The following HYDIN variants were observed in gnomAD, a reference collection of about 807,000 sequenced individuals.
The protein encoded by HYDIN is HYDIN axonemal central pair apparatus protein.
Under a neutral mutation model 403.9 loss-of-function variants are expected in HYDIN, and 132 were observed. The observed-to-expected ratio is 0.33, with a 90% CI of 0.28 to 0.38. HYDIN has a LOEUF of 0.38. HYDIN is among the 10% of genes least tolerant of loss of function. The probability of loss-of-function intolerance (pLI) is 1.00; values close to 1 mark genes in which losing one functional copy is unlikely to be tolerated. For missense variants in HYDIN, 2,827 were observed against 5,009.5 expected, an observed-to-expected ratio of 0.56 and a Z score of 13.15; for synonymous variants, 1,202 against 1,891.7, an observed-to-expected ratio of 0.64 and a Z score of 9.46.
At chr16:71,110,258 A>G (rs2144441104) in intron 10 of HYDIN, among the ~76,000 whole-genome samples, 1 of 145,838 alleles carries the variant, frequency 6.9e-6, no homozygotes, top group Non-Finnish European at 1.5e-5. Context: ...ATTATATTAT[A>G]TATAATTATG....
intron 41 of HYDIN, among the ~76,000 whole-genome samples, chr16:70,947,171 T>C (rs1462905074): frequency 1.3e-5 from 2 of 150,048 alleles, no homozygotes; most frequent in East Asian, 3.9e-4. Context: ...ATATTGGCTG[T>C]GGGTTTGTCA....
chr16:70,806,177 G>A lies in HYDIN; in HGVS notation c.*1403C>T, dbSNP rs1334089217. On this transcript the variant is annotated 3_prime_UTR_variant, in exon 86 of 86. Coordinates refer to ENST00000393567, the MANE Select transcript of HYDIN (RefSeq NM_001270974.2). ...ACATTTTATTATTATTATTGTTAATGTCTTACTGTGCCTAATTTATAAATT... is the reference window on the plus strand; with the variant it reads ...ACATTTTATTATTATTATTGTTAATATCTTACTGTGCCTAATTTATAAATT... Among the ~76,000 whole-genome samples, 1 of 152,130 alleles carries A rather than the reference G, an allele frequency of 6.6e-6. No individual in the cohort carries two copies. The highest frequency in any genetic ancestry group is 1.5e-5 in the Non-Finnish European group (1 of 68,038).
At chr16:70,942,842 C>T (rs1354107534) in intron 42 of HYDIN, among the ~76,000 whole-genome samples, 2 of 152,246 alleles carry the variant, frequency 1.3e-5, no homozygotes, top group African/African-American at 4.8e-5. Context: ...AGCACAGCTC[C>T]ACTGGCTTAC....
chr16:70,931,210 G>GTTTTTT (rs71387550), intron 45 of HYDIN, among the ~76,000 whole-genome samples: 26 of 59,474 alleles, frequency 4.4e-4, no homozygotes, highest in African/African-American at 1.2e-3. Context: ...TCTTTCTTCT[G>GTTTTTT]TTTTTTTTTT....
Position 71,139,124 on chromosome 16 carries a change from T to C in HYDIN, c.842-1772A>G, listed in dbSNP as rs573949147. 1.6e-3 allele frequency among the ~76,000 whole-genome samples: 231 copies of C among 148,888 alleles called. 1 individual carries two copies. Among genetic ancestry groups the C allele is most frequent in the Non-Finnish European group, 2.6e-3 (174 of 67,386 alleles). On this transcript the variant is annotated intron_variant, in intron 7 of 85. Transcript: ENST00000393567. The stretch of plus-strand genomic sequence containing the variant: ...AAAAAAAAAAAAAAAAAAAGAACTA[T>C]GCTTTCAAGATGAGGGTGAACTGGA...
chr16:70,848,377 A>G (rs1340726022), intron 75 of HYDIN, among the ~76,000 whole-genome samples: 1 of 152,000 alleles, frequency 6.6e-6, no homozygotes, highest in Admixed American at 6.6e-5. Context: ...TATATGAGTT[A>G]TATGTTCTTG....
intron 13 of HYDIN, among the ~76,000 whole-genome samples, chr16:71,071,746 A>G (rs1463459543): frequency 6.6e-6 from 1 of 152,206 alleles, no homozygotes; most frequent in African/African-American, 2.4e-5. Flanking sequence ...CTTTAAAAAT[A>G]TGGTATATTA....
intron 19 of HYDIN, among the ~76,000 whole-genome samples, chr16:71,028,388 T>C: frequency 6.6e-6 from 1 of 151,932 alleles, no homozygotes. Flanking sequence ...TGGTCACCCA[T>C]CTCAGACTAA....
intron 18 of HYDIN, among the ~76,000 whole-genome samples, chr16:71,034,878 A>AC (rs2081036563): frequency 6.6e-6 from 1 of 151,370 alleles, no homozygotes; most frequent in Admixed American, 6.6e-5. Context: ...AAAATCCCAA[A>AC]AAGACATAGA....
intron 18 of HYDIN, among the ~76,000 whole-genome samples, chr16:71,034,631 A>G (rs1386850226): frequency 1.3e-5 from 2 of 152,172 alleles, no homozygotes; most frequent in Non-Finnish European, 2.9e-5. Flanking sequence ...ACAGAGCAGA[A>G]AGCTAGTTAT....
Position 70,921,058 on chromosome 16 carries a change from C to T in HYDIN, c.7318G>A (p.Asp2440Asn). 2.5e-6 allele frequency: 4 copies of T among 1,611,040 alleles called. No homozygotes were observed. The highest frequency in any genetic ancestry group is 3.4e-6 in the Non-Finnish European group (4 of 1,178,186). Residue 2440 changes from aspartate to asparagine, a missense_variant, in exon 46 of 86, where the codon GAC (aspartate) becomes AAC (asparagine). Asp to Asn is a conservative substitution (Grantham distance 23). Coordinates refer to ENST00000393567, the MANE Select transcript of HYDIN (RefSeq NM_001270974.2). Reference sequence around the variant, plus strand: ...TCCTTTGAGTTGTCCCCTTCACTGTCCTCTTGGTCCTGGACAAGAGGAAGC... The same window carrying T: ...TCCTTTGAGTTGTCCCCTTCACTGTTCTCTTGGTCCTGGACAAGAGGAAGC... ...HGLPLVQDQE[D>N]SEGDNSKDPD...
intron 1 of HYDIN, among the ~76,000 whole-genome samples, chr16:71,227,716 G>A (rs1462520635): frequency 4.6e-5 from 7 of 152,148 alleles, no homozygotes; most frequent in Non-Finnish European, 7.4e-5. Flanking sequence ...AATCAATATC[G>A]TGAAAATGGC....
chr16:71,230,642 C>G lies in HYDIN; in HGVS notation c.-104G>C, dbSNP rs1022676052. 3.3e-6 allele frequency: 5 copies of G among 1,535,966 alleles called. No homozygotes were observed. Among genetic ancestry groups the G allele is most frequent in the African/African-American group, 2.7e-5 (2 of 73,044 alleles). ...GCGTCCAACTCACAGACCCCGCCGC[C>G]GCTGAGGGGCTCCATACCCAGCTTG... On this transcript the variant is annotated 5_prime_UTR_variant, in exon 1 of 86. Coordinates refer to ENST00000393567, the MANE Select transcript of HYDIN (RefSeq NM_001270974.2).
intron 3 of HYDIN, among the ~76,000 whole-genome samples, chr16:71,184,316 A>T (rs1346343755): frequency 7.9e-5 from 12 of 152,150 alleles, no homozygotes; most frequent in Admixed American, 7.9e-4. Context: ...GAAATTAATT[A>T]AAAAATAGGA....
intron 39 of HYDIN, among the ~76,000 whole-genome samples, chr16:70,956,525 C>G (rs2078242270): frequency 6.6e-6 from 1 of 152,108 alleles, no homozygotes; most frequent in South Asian, 2.1e-4. Context: ...GGGGGTTAGC[C>G]TGGATTATCC....
chr16:70,944,135 G>C (rs114819952), intron 41 of HYDIN, among the ~76,000 whole-genome samples, 186 bp from the exon 42 acceptor site: 5,575 of 151,850 alleles, frequency 0.037, no homozygotes, highest in African/African-American at 0.086. Flanking sequence ...GTTTCAAGTG[G>C]GAATAGCATG....
At chr16:70,972,956 C>A (rs1034091799) in intron 35 of HYDIN, among the ~76,000 whole-genome samples, 1 of 152,196 alleles carries the variant, frequency 6.6e-6, no homozygotes, top group African/African-American at 2.4e-5. Flanking sequence ...TCAAACCCCC[C>A]ACCCCCAGTT....
intron 38 of HYDIN, among the ~76,000 whole-genome samples, chr16:70,960,904 G>C (rs1178368514): frequency 6.6e-6 from 1 of 152,172 alleles, no homozygotes; most frequent in Non-Finnish European, 1.5e-5. Context: ...TGTCAGCCAG[G>C]ATGGTCTCGA....
At chr16:70,850,174 C>A (rs1424507370) in intron 74 of HYDIN, among the ~76,000 whole-genome samples, 3 of 151,736 alleles carry the variant, frequency 2.0e-5, no homozygotes, top group Non-Finnish European at 4.4e-5. Flanking sequence ...AGTTCTTAGA[C>A]CTTTGTTGGT....
Sources: allele counts gnomAD v4.1 joint callset (sites outside exome capture counted in the v4.1 genomes callset), GRCh38; gene constraint gnomAD v4.1.1; transcripts MANE v1.5; gene names NCBI Gene and HGNC (gene_info 2026-07-23, HGNC 2026-07-21).